GTF3C6: variants seen among roughly 807,000 people sequenced by gnomAD.
The protein encoded by GTF3C6 is general transcription factor IIIC subunit 6.
A neutral mutation model predicts 19.2 loss-of-function variants in GTF3C6; 11 were observed. That is an observed-to-expected ratio of 0.57 (90% CI 0.36 to 0.95). The LOEUF (loss-of-function observed/expected upper bound fraction) is 0.95. Among genes scored for constraint, GTF3C6 ranks in the 40% least tolerant of loss-of-function variants. The pLI is 0.01. For synonymous variants in GTF3C6, 87 were observed against 84.2 expected, an observed-to-expected ratio of 1.03 and a Z score of -0.18; for missense variants, 222 against 254.7, an observed-to-expected ratio of 0.87 and a Z score of 0.87.
In GTF3C6 at chr6:110,958,728, G is replaced by T. The variant is rs1264097938; in HGVS notation, c.-42G>T. The T allele has an allele frequency of 6.5e-7, 1 of 1,548,988 alleles. No individual in the cohort carries two copies. Among genetic ancestry groups the T allele is most frequent in the South Asian group, 1.2e-5 (1 of 83,924 alleles). Reference sequence around the variant, plus strand: ...CCCGTACTCAAGATGGCGGCTCCGGGCGGGCGTGGCCAGTGACTAGAAGGC... The same window carrying T: ...CCCGTACTCAAGATGGCGGCTCCGGTCGGGCGTGGCCAGTGACTAGAAGGC... On this transcript the variant is annotated 5_prime_UTR_variant, in exon 1 of 6. Coordinates refer to ENST00000329970, the MANE Select transcript of GTF3C6 (RefSeq NM_138408.4).
At chr6:110,960,258 G>A (rs1266256779) in intron 2 of GTF3C6, among the ~76,000 whole-genome samples, 156 bp from the exon 3 acceptor site, 1 of 152,216 alleles carries the variant, frequency 6.6e-6, no homozygotes, top group Non-Finnish European at 1.5e-5. Context: ...TGTAACTGCT[G>A]TGATCAGAGC....
Position 110,967,457 on chromosome 6 carries a change from A to G in GTF3C6, c.362-53A>G, listed in dbSNP as rs567865170. 17 of 1,486,870 alleles carry G rather than the reference A, an allele frequency of 1.1e-5. No homozygotes were observed. In the East Asian group the frequency reaches 3.6e-4, roughly 32 times the overall value. 92.1% of individuals were successfully genotyped at this position (1,486,870 alleles called of 1,614,324 possible). ...AATTTAAATTAAAGAAAAATATACT[A>G]AAATTCATTTTTTGTTTCTTTTTTT... On this transcript the variant is annotated intron_variant, in intron 5 of 5. Coordinates refer to ENST00000329970, the MANE Select transcript of GTF3C6 (RefSeq NM_138408.4).
rs1771119710 is a variant in GTF3C6, at chr6:110,958,829, A to C, written c.57+3A>C. 1.9e-6 allele frequency: 3 copies of C among 1,551,030 alleles called. No individual in the cohort carries two copies. The highest frequency in any genetic ancestry group is 2.6e-6 in the Non-Finnish European group (3 of 1,146,844). ...ACGGAGAAGACGAGGAAGAGGAGGT[A>C]GTAAGCGCTACGCCAAAAGCCTGCA... On this transcript the variant is annotated splice_donor_region_variant and intron_variant, in intron 1 of 5. Coordinates refer to ENST00000329970, the MANE Select transcript of GTF3C6 (RefSeq NM_138408.4).
rs116627442 is a variant in GTF3C6 at position 110,966,983 on chromosome 6, G to A, written c.362-527G>A. Among the ~76,000 whole-genome samples, 772 of 151,916 alleles carry A rather than the reference G, an allele frequency of 5.1e-3. 7 individuals are homozygous for A. Among genetic ancestry groups the A allele is most frequent in the African/African-American group, 0.018 (743 of 41,440 alleles). On this transcript the variant is annotated intron_variant, in intron 5 of 5. Coordinates refer to ENST00000329970, the MANE Select transcript of GTF3C6 (RefSeq NM_138408.4). ...AGCCTGGCCAACATAGTGAAATTCCGTCTCTATTGAAATACAAAAATTAGC... is the reference window on the plus strand; with the variant it reads ...AGCCTGGCCAACATAGTGAAATTCCATCTCTATTGAAATACAAAAATTAGC...
At chr6:110,967,108 G>T (rs9374233) in intron 5 of GTF3C6, among the ~76,000 whole-genome samples, 26,170 of 151,734 alleles carry the variant, frequency 0.17, 2,276 homozygotes, top group South Asian at 0.28. Flanking sequence ...AGCCAAGATC[G>T]TACCCACTGC....
intron 5 of GTF3C6, among the ~76,000 whole-genome samples, 148 bp from the exon 6 acceptor site, chr6:110,967,357 TTTATC>T (rs1246473148): frequency 6.6e-6 from 1 of 152,174 alleles, no homozygotes; most frequent in Non-Finnish European, 1.5e-5. Context: ...CAAATTATAT[TTTATC>T]AGTAGTTACA....
chr6:110,964,546 T>C (rs970550563), intron 5 of GTF3C6, among the ~76,000 whole-genome samples: 33 of 152,112 alleles, frequency 2.2e-4, no homozygotes, highest in African/African-American at 7.2e-4. Flanking sequence ...AGCCTTTGTA[T>C]TTTTAGTAGA....
intron 2 of GTF3C6, among the ~76,000 whole-genome samples, chr6:110,959,741 C>T (rs1309872397): frequency 1.3e-5 from 2 of 152,014 alleles, no homozygotes; most frequent in African/African-American, 2.4e-5. Flanking sequence ...GGGTAGATCA[C>T]GAGCCCAGGA....
At chr6:110,964,831 TTTTC>T (rs1341097010) in intron 5 of GTF3C6, among the ~76,000 whole-genome samples, 3 of 139,482 alleles carry the variant, frequency 2.2e-5, no homozygotes, top group Admixed American at 6.9e-5. Flanking sequence ...ACGGAGTTTT[TTTTC>T]TTTTTTTTTT....
chr6:110,961,916 T>C (rs1385065842), intron 4 of GTF3C6, among the ~76,000 whole-genome samples: 1 of 136,690 alleles, frequency 7.3e-6, no homozygotes, highest in Non-Finnish European at 1.5e-5. Context: ...TTTTTTTTTT[T>C]TTCTTGAGAC....
At chr6:110,960,288 C>A in intron 2 of GTF3C6, 126 bp from the exon 3 acceptor site, 2 of 720,758 alleles carry the variant, frequency 2.8e-6, no homozygotes, top group Non-Finnish European at 2.3e-6. Context: ...TTATCCTGTA[C>A]TTGGTAGGAC....
In GTF3C6 at chr6:110,958,749, AAGGCG is replaced by A. The variant is rs1562357399; in HGVS notation, c.-15_-11del. On this transcript the variant is annotated 5_prime_UTR_variant, in exon 1 of 6. Transcript: ENST00000329970. ...CCGGGCGGGCGTGGCCAGTGACTAG[AAGGCG>A]AGGCGCCGCGGGACCATGGCGGCGG... 1 of 1,550,522 alleles carries A rather than the reference AAGGCG, an allele frequency of 6.4e-7. No homozygotes were observed. Among genetic ancestry groups the A allele is most frequent in the Non-Finnish European group, 8.7e-7 (1 of 1,146,882 alleles).
chr6:110,961,852 C>T (rs1771164506), intron 4 of GTF3C6, among the ~76,000 whole-genome samples: 1 of 152,084 alleles, frequency 6.6e-6, no homozygotes, highest in Non-Finnish European at 1.5e-5. Context: ...TGTTTCTGTC[C>T]CTTGAAGATG....
intron 5 of GTF3C6, among the ~76,000 whole-genome samples, chr6:110,964,156 C>T (rs1002678541): frequency 6.6e-6 from 1 of 152,010 alleles, no homozygotes; most frequent in African/African-American, 2.4e-5. Context: ...CTCACTGTGA[C>T]CTCTGCCCCC....
At chr6:110,964,454 A>G (rs565551615) in intron 5 of GTF3C6, among the ~76,000 whole-genome samples, 3 of 151,944 alleles carry the variant, frequency 2.0e-5, no homozygotes, top group East Asian at 1.9e-4. Context: ...CATGTTGGTC[A>G]GGCTGGTCTG....
chr6:110,961,262 T>G (rs934759725), intron 4 of GTF3C6, among the ~76,000 whole-genome samples: 2 of 151,604 alleles, frequency 1.3e-5, no homozygotes, highest in Non-Finnish European at 2.9e-5. Context: ...GCAGTTCTCC[T>G]GCCTCAGCCT....
intron 5 of GTF3C6, among the ~76,000 whole-genome samples, chr6:110,963,573 G>T (rs912879907): frequency 3.3e-5 from 5 of 151,980 alleles, no homozygotes; most frequent in South Asian, 4.1e-4. Context: ...TCTGATGTGT[G>T]GGGGGAAAAA....
rs756202096 is a variant in GTF3C6 at position 110,958,743 on chromosome 6, G to C, written c.-27G>C. ...GCGGCTCCGGGCGGGCGTGGCCAGT[G>C]ACTAGAAGGCGAGGCGCCGCGGGAC... On this transcript the variant is annotated 5_prime_UTR_variant, in exon 1 of 6. It removes the in-frame stop codon of an upstream open reading frame in the 5' UTR. Transcript: ENST00000329970. 1 of 1,550,306 alleles carries C rather than the reference G, an allele frequency of 6.5e-7. No homozygotes were observed. Among genetic ancestry groups the C allele is most frequent in the Admixed American group, 2.0e-5 (1 of 51,004 alleles).
chr6:110,965,738 G>GGT (rs1771221627), intron 5 of GTF3C6, among the ~76,000 whole-genome samples: 1 of 152,092 alleles, frequency 6.6e-6, no homozygotes, highest in Non-Finnish European at 1.5e-5. Context: ...GGAATATTTG[G>GGT]GTGTTTTGTT....
Sources: allele counts gnomAD v4.1 joint callset (sites outside exome capture counted in the v4.1 genomes callset), GRCh38; gene constraint gnomAD v4.1.1; transcripts MANE v1.5; gene names NCBI Gene and HGNC (gene_info 2026-07-23, HGNC 2026-07-21).